The following CD200 variants were observed in gnomAD, a reference collection of about 807,000 sequenced individuals.
CD200 encodes CD200 molecule.
CD200 carries 15 observed loss-of-function variants against 30.9 expected under a neutral mutation model. That is an observed-to-expected ratio of 0.49 (90% confidence interval 0.32 to 0.75). The LOEUF is 0.75. Ranked by LOEUF, CD200 falls within the 30% of genes least tolerant of loss-of-function variation. The pLI is 0.03. For missense variants in CD200, 262 were observed against 324.2 expected (o/e 0.81, Z 1.47); for synonymous variants, 134 against 126.2 (o/e 1.06, Z -0.41).
chr3:112,360,949 T>A (rs2081728824), intron 5 of CD200, among the ~76,000 whole-genome samples: 1 of 152,242 alleles, frequency 6.6e-6, no homozygotes, highest in Non-Finnish European at 1.5e-5. Flanking sequence ...TTACTTGTAG[T>A]CTTAGGTGAT....
chr3:112,333,773 A>T (rs2081051461), intron 1 of CD200: 1 of 985,308 alleles, frequency 1.0e-6, no homozygotes, highest in Non-Finnish European at 1.2e-6. Flanking sequence ...GGGGGAAGCC[A>T]TGAAGGATCA....
intron 5 of CD200, among the ~76,000 whole-genome samples, chr3:112,351,861 G>A (rs941492264): frequency 6.6e-6 from 1 of 152,156 alleles, no homozygotes; most frequent in Non-Finnish European, 1.5e-5. Context: ...GAAAAGGGGA[G>A]CCAGTGTGTG....
At chr3:112,354,244 T>C (rs547420505) in intron 5 of CD200, among the ~76,000 whole-genome samples, 2 of 152,288 alleles carry the variant, frequency 1.3e-5, no homozygotes, top group Admixed American at 6.5e-5. Flanking sequence ...AATAATTCAA[T>C]GTGTGTTCAG....
chr3:112,340,827 A>G, intron 1 of CD200, 75 bp from the exon 2 acceptor site: 2 of 968,666 alleles, frequency 2.1e-6, no homozygotes, highest in Non-Finnish European at 3.3e-6. Context: ...TCCCTGAAAT[A>G]GCGATTAGAT....
chr3:112,356,927 T>C (rs897235382), intron 5 of CD200, among the ~76,000 whole-genome samples: 2 of 152,180 alleles, frequency 1.3e-5, no homozygotes, highest in Non-Finnish European at 2.9e-5. Flanking sequence ...CTCATAAGAA[T>C]GTTGTGAAGA....
chr3:112,352,940 A>G (rs898187073), intron 5 of CD200, among the ~76,000 whole-genome samples: 17 of 152,208 alleles, frequency 1.1e-4, no homozygotes, highest in African/African-American at 3.9e-4. Context: ...CACTCCTGAT[A>G]GAATTATCAC....
intron 2 of CD200, among the ~76,000 whole-genome samples, chr3:112,344,114 C>T (rs1046205485): frequency 1.3e-5 from 2 of 152,078 alleles, no homozygotes; most frequent in Non-Finnish European, 1.5e-5. Context: ...TTTTATTATG[C>T]TTTTATTACA....
chr3:112,335,947 T>C (rs1355149608), intron 1 of CD200: 1 of 1,609,304 alleles, frequency 6.2e-7, no homozygotes, highest in Admixed American at 1.7e-5. Flanking sequence ...CCACAGACTC[T>C]GACCAGGACA....
At chr3:112,341,601 C>G (rs1247409967) in intron 2 of CD200, among the ~76,000 whole-genome samples, 1 of 152,182 alleles carries the variant, frequency 6.6e-6, no homozygotes, top group African/African-American at 2.4e-5. Context: ...TGGTGAAGAT[C>G]AGATAGGCTT....
intron 2 of CD200, among the ~76,000 whole-genome samples, chr3:112,344,575 C>T (rs2081339858): frequency 6.6e-6 from 1 of 152,158 alleles, no homozygotes; most frequent in Non-Finnish European, 1.5e-5. Context: ...GGTCACTCTG[C>T]CTGTTATCCT....
intron 4 of CD200, among the ~76,000 whole-genome samples, chr3:112,348,870 A>T (rs919543439): frequency 1.3e-5 from 2 of 148,560 alleles, no homozygotes; most frequent in African/African-American, 5.1e-5. Flanking sequence ...AACCTAAAAA[A>T]GAATGTCTTT....
intron 5 of CD200, among the ~76,000 whole-genome samples, chr3:112,360,205 G>C (rs898369998): frequency 3.3e-5 from 5 of 152,124 alleles, no homozygotes; most frequent in African/African-American, 9.7e-5. Context: ...GCATGTGCCT[G>C]TACTCCCAGC....
At chr3:112,346,181 T>C (rs6774405) in intron 3 of CD200, among the ~76,000 whole-genome samples, 138,544 of 152,130 alleles carry the variant, frequency 0.91, 63,122 homozygotes, top group East Asian at 0.96. Flanking sequence ...AATCTTATGT[T>C]GTTTCTTTCT....
In CD200 at chr3:112,345,023, T is replaced by C; in HGVS notation, c.156T>C (p.Ser52=). The change falls in exon 3 of 6, where the codon TCT becomes TCC. Residue 52 remains serine (S), a synonymous_variant. Transcript: ENST00000315711. ...QLYTPASLKC[S]LQNAQEALIV... ...ACACACCTGCTTCCTTAAAATGCTC[T>C]CTGCAAAATGCCCAGGAAGCCCTCA... 6.2e-7 allele frequency: 1 copy of C among 1,614,114 alleles called. No individual in the cohort carries two copies. The highest frequency in any genetic ancestry group is 8.5e-7 in the Non-Finnish European group (1 of 1,179,992).
At position 112,345,147 on chromosome 3, in the gene CD200, A is replaced by T. The variant is rs372265161; in HGVS notation, c.280A>T (p.Ile94Leu). 9.3e-6 allele frequency: 15 copies of T among 1,614,004 alleles called. No homozygotes were observed. The highest frequency in any genetic ancestry group is 5.9e-6 in the Non-Finnish European group (7 of 1,180,000). Residue 94 changes from isoleucine (I) to leucine (L), a missense_variant, in exon 3 of 6, where the codon ATA (isoleucine) becomes TTA (leucine). By Grantham distance (5) the Ile-to-Leu change is conservative. Coordinates refer to ENST00000315711, the MANE Select transcript of CD200 (RefSeq NM_005944.7). Reference protein sequence around the residue: ...VVIQPAYKDKINITQLGLQNS... With the variant: ...VVIQPAYKDKLNITQLGLQNS... ...GATCCAGCCTGCCTATAAGGACAAGATAAACATTACCCAGCTGGGACTCCA... is the reference window on the plus strand; with the variant it reads ...GATCCAGCCTGCCTATAAGGACAAGTTAAACATTACCCAGCTGGGACTCCA...
chr3:112,343,995 C>T (rs2081327102), intron 2 of CD200, among the ~76,000 whole-genome samples: 2 of 152,060 alleles, frequency 1.3e-5, no homozygotes, highest in Admixed American at 6.6e-5. Context: ...CCTGTTCTTA[C>T]TTTTTACTAA....
At chr3:112,351,640 G>A (rs72952417) in intron 5 of CD200, among the ~76,000 whole-genome samples, 5,393 of 152,240 alleles carry the variant, frequency 0.035, 306 homozygotes, top group African/African-American at 0.12. Context: ...TACTGATGAT[G>A]TCTTCATGAC....
intron 5 of CD200, among the ~76,000 whole-genome samples, chr3:112,360,500 G>A (rs993999616): frequency 3.3e-5 from 5 of 152,054 alleles, no homozygotes; most frequent in Non-Finnish European, 7.4e-5. Context: ...TTTTATATCT[G>A]TTAAATCTGA....
intron 5 of CD200, among the ~76,000 whole-genome samples, chr3:112,354,584 G>T (rs986142120): frequency 6.6e-6 from 1 of 152,218 alleles, no homozygotes; most frequent in African/African-American, 2.4e-5. Context: ...AACTGGAAAA[G>T]ATTGGGCCAC....
Sources: gnomAD v4.1 joint callset for allele counts (sites outside exome capture counted in the v4.1 genomes callset) on GRCh38, gnomAD v4.1.1 for gene constraint, MANE v1.5 for transcripts, NCBI Gene and HGNC (gene_info 2026-07-23, HGNC 2026-07-21) for gene names.